SLC35A3: variants seen among roughly 807,000 people sequenced by gnomAD.
SLC35A3 encodes the protein UDP-N-acetylglucosamine transporter.
SLC35A3 carries 26 observed loss-of-function variants against 39.0 expected under a neutral mutation model. That is an observed-to-expected ratio of 0.67 (90% CI 0.49 to 0.92). The LOEUF is 0.92. Ranked by LOEUF, SLC35A3 falls within the 40% of genes least tolerant of loss-of-function variation. The probability of loss-of-function intolerance (pLI) is 0.00; values close to 1 mark genes in which losing one functional copy is unlikely to be tolerated. For missense variants in SLC35A3, 299 were observed against 371.6 expected, an observed-to-expected ratio of 0.80 and a Z score of 1.61; for synonymous variants, 135 against 133.1, an observed-to-expected ratio of 1.01 and a Z score of -0.10.
intron 7 of SLC35A3, among the ~76,000 whole-genome samples, chr1:100,020,432 G>T (rs531174): frequency 0.15 from 23,034 of 152,132 alleles, 2,441 homozygotes; most frequent in African/African-American, 0.3. Context: ...TAATGACTAA[G>T]GAAGACAGTG....
intron 1 of SLC35A3, among the ~76,000 whole-genome samples, chr1:99,983,563 C>CA (rs754933076): frequency 2.0e-4 from 29 of 142,160 alleles, no homozygotes; most frequent in Admixed American, 8.2e-4. Context: ...CAAAACAAAA[C>CA]AAAAAAACAG....
intron 6 of SLC35A3, among the ~76,000 whole-genome samples, chr1:100,016,910 A>G (rs114012359): frequency 1.4e-3 from 211 of 152,306 alleles, no homozygotes; most frequent in African/African-American, 5.0e-3. Flanking sequence ...GAGTAAATAG[A>G]TGAATGACAA....
chr1:100,030,904 A>G lies in SLC35A3; in HGVS notation c.*8428A>G, dbSNP rs1260173338. 3 of 152,188 alleles carry G rather than the reference A, an allele frequency of 2.0e-5. No homozygotes were observed. Among genetic ancestry groups the G allele is most frequent in the African/African-American group, 7.2e-5 (3 of 41,456 alleles). 9.4% of individuals were successfully genotyped at this position (152,188 alleles called of 1,614,324 possible). A position where few individuals can be genotyped will look rare whatever the true frequency, so the allele number is the denominator to read the frequency against. ...GTAATATTTCCTGAGTGATGATAGAATTATAGAAAATCATGAAAGATGTGT... is the reference window on the plus strand; with the variant it reads ...GTAATATTTCCTGAGTGATGATAGAGTTATAGAAAATCATGAAAGATGTGT... On this transcript the variant is annotated 3_prime_UTR_variant, in exon 8 of 8. Transcript: ENST00000533028.
At chr1:100,003,091 T>C (rs1557836254) in intron 3 of SLC35A3, among the ~76,000 whole-genome samples, 1 of 152,074 alleles carries the variant, frequency 6.6e-6, no homozygotes, top group African/African-American at 2.4e-5. Flanking sequence ...TAGGTTTTGG[T>C]ATGTTGTGTT....
In SLC35A3 at chr1:100,024,353, C is replaced by T. The variant is rs1444940061; in HGVS notation, c.*1877C>T. 1 of 151,868 alleles carries T rather than the reference C, an allele frequency of 6.6e-6. No individual in the cohort carries two copies. Among genetic ancestry groups the T allele is most frequent in the Non-Finnish European group, 1.5e-5 (1 of 68,040 alleles). 9.4% of individuals were successfully genotyped at this position (151,868 alleles called of 1,614,324 possible). On this transcript the variant is annotated 3_prime_UTR_variant, in exon 8 of 8. Coordinates refer to ENST00000533028, the MANE Select transcript of SLC35A3 (RefSeq NM_012243.3). Reference sequence around the variant, plus strand: ...GGATCACAAGGTCAGGAATTCGAGACCAGCCTGGCCAGCATGGTGAAATCC... The same window carrying T: ...GGATCACAAGGTCAGGAATTCGAGATCAGCCTGGCCAGCATGGTGAAATCC...
In SLC35A3 at chr1:99,999,227, C is replaced by G. The variant is rs764266976; in HGVS notation, c.188-34C>G. 51 of 1,397,908 alleles carry G rather than the reference C, an allele frequency of 3.6e-5. No individual in the cohort carries two copies. In the Middle Eastern group the frequency reaches 6.4e-4, roughly 17 times the overall value. The allele number at this position is 1,397,908 out of a possible 1,614,324, so 86.6% of individuals were successfully genotyped here. On this transcript the variant is annotated intron_variant, in intron 2 of 7. Transcript: ENST00000533028. ...CAGATATGTAACTTATTCAGAGTTA[C>G]TTAATTACTGATTTTTCTCATATTA...
At chr1:99,977,993 A>T (rs1183640891) in intron 1 of SLC35A3, among the ~76,000 whole-genome samples, 1 of 152,228 alleles carries the variant, frequency 6.6e-6, no homozygotes, top group African/African-American at 2.4e-5. Context: ...TGATACATGC[A>T]GTATATCTGA....
At chr1:99,998,795 T>C (rs148517097) in intron 2 of SLC35A3, among the ~76,000 whole-genome samples, 167 of 152,322 alleles carry the variant, frequency 1.1e-3, no homozygotes, top group African/African-American at 3.8e-3. Context: ...GGGTTTTCTG[T>C]TGTTTGCAAC....
Position 100,029,176 on chromosome 1 carries a change from G to C in SLC35A3, c.*6700G>C, listed in dbSNP as rs1055921593. The C allele has an allele frequency of 6.6e-6, 1 of 152,118 alleles. No individual in the cohort carries two copies. Among genetic ancestry groups the C allele is most frequent in the Non-Finnish European group, 1.5e-5 (1 of 68,044 alleles). 9.4% of individuals were successfully genotyped at this position (152,118 alleles called of 1,614,324 possible). On this transcript the variant is annotated 3_prime_UTR_variant, in exon 8 of 8. Coordinates refer to ENST00000533028, the MANE Select transcript of SLC35A3 (RefSeq NM_012243.3). ...ACATCTGCCCCTCCCTGGAGATCTG[G>C]TTGACATCAAGACTTCAGGGCCTCA...
At chr1:99,978,864 A>T (rs1657276672) in intron 1 of SLC35A3, 1 of 152,350 alleles carries the variant, frequency 6.6e-6, no homozygotes, top group South Asian at 2.1e-4. Context: ...ATTAATTTTT[A>T]AAAATATAGC....
intron 6 of SLC35A3, among the ~76,000 whole-genome samples, chr1:100,016,620 A>T (rs1307738683): frequency 6.6e-6 from 1 of 151,200 alleles, no homozygotes; most frequent in Non-Finnish European, 1.5e-5. Context: ...TGATCCGCCC[A>T]CCTCGGCCTC....
rs960934923 is a variant in SLC35A3, at chr1:100,024,763, G to A, written c.*2287G>A. On this transcript the variant is annotated 3_prime_UTR_variant, in exon 8 of 8. Transcript: ENST00000533028. ...CCTCTGAGTAGCTGGGATTGCAGGCGTGAGCCACTGCGCCCGGCCTATACT... is the reference window on the plus strand; with the variant it reads ...CCTCTGAGTAGCTGGGATTGCAGGCATGAGCCACTGCGCCCGGCCTATACT... The A allele has an allele frequency of 2.5e-5, 10 of 396,142 alleles. No individual in the cohort carries two copies. The highest frequency in any genetic ancestry group is 6.2e-5 in the African/African-American group (3 of 48,388). The allele number at this position is 396,142 out of a possible 1,614,324, so 24.5% of individuals were successfully genotyped here. A position where few individuals can be genotyped will look rare whatever the true frequency, so the allele number is the denominator to read the frequency against.
chr1:99,987,848 A>G (rs537460476), intron 1 of SLC35A3, among the ~76,000 whole-genome samples: 3 of 152,332 alleles, frequency 2.0e-5, no homozygotes, highest in South Asian at 4.1e-4. Flanking sequence ...TGGAAAAGAT[A>G]GAGGTGGGGT....
intron 5 of SLC35A3, among the ~76,000 whole-genome samples, chr1:100,012,869 A>G (rs1443695772): frequency 1.3e-5 from 2 of 152,222 alleles, no homozygotes; most frequent in East Asian, 3.8e-4. Flanking sequence ...AATACATAGT[A>G]TAGTGATTAA....
rs1416746553 is a variant in SLC35A3, at chr1:100,027,275, T to C, written c.*4799T>C. On this transcript the variant is annotated 3_prime_UTR_variant, in exon 8 of 8. Coordinates refer to ENST00000533028, the MANE Select transcript of SLC35A3 (RefSeq NM_012243.3). The stretch of plus-strand genomic sequence containing the variant: ...GAGGCCAGCCTGGGCAACATAGCCT[T>C]GTTTCTACAAAAAATCTTAAAAATA... 1.5e-5 allele frequency: 6 copies of C among 397,868 alleles called. No homozygotes were observed. Among genetic ancestry groups the C allele is most frequent in the Non-Finnish European group, 2.7e-5 (6 of 225,794 alleles). The allele number at this position is 397,868 out of a possible 1,614,324, so 24.6% of individuals were successfully genotyped here. A position where few individuals can be genotyped will look rare whatever the true frequency, so the allele number is the denominator to read the frequency against.
At position 100,031,829 on chromosome 1, in the gene SLC35A3, T is replaced by TG. The variant is rs1328201256; in HGVS notation, c.*9353_*9354insG. On this transcript the variant is annotated 3_prime_UTR_variant, in exon 8 of 8. Transcript: ENST00000533028. ...TGTCTCCTTTGGTCTTGAAGTCCCC[T>TG]TCCTGCACCACCACCTGCCCCTCAA... 1.3e-5 allele frequency: 2 copies of TG among 152,226 alleles called. No individual in the cohort carries two copies. Among genetic ancestry groups the TG allele is most frequent in the African/African-American group, 4.8e-5 (2 of 41,442 alleles). 9.4% of individuals were successfully genotyped at this position (152,226 alleles called of 1,614,324 possible).
Position 100,006,981 on chromosome 1 carries a change from G to GAACA in SLC35A3, c.343-37_343-34dup, listed in dbSNP as rs936998412. The GAACA allele has an allele frequency of 8.7e-5, 134 of 1,532,000 alleles. No individual in the cohort carries two copies. In the Middle Eastern group the frequency reaches 1.0e-3, roughly 11 times the overall value. 94.9% of individuals were successfully genotyped at this position (1,532,000 alleles called of 1,614,324 possible). A position where few individuals can be genotyped will look rare whatever the true frequency, so the allele number is the denominator to read the frequency against. On this transcript the variant is annotated intron_variant, in intron 3 of 7. Coordinates refer to ENST00000533028, the MANE Select transcript of SLC35A3 (RefSeq NM_012243.3). The stretch of plus-strand genomic sequence containing the variant: ...ATACATTTCTAATAGTACTCTTAAG[G>GAACA]AACAAACAAACAAACAAACGAACAT...
At chr1:100,005,411 G>T (rs2101284378) in intron 3 of SLC35A3, among the ~76,000 whole-genome samples, 1 of 152,344 alleles carries the variant, frequency 6.6e-6, no homozygotes, top group East Asian at 1.9e-4. Context: ...ACTAACATAT[G>T]TTTTGAGGGC....
At chr1:100,004,184 T>C (rs1659032458) in intron 3 of SLC35A3, among the ~76,000 whole-genome samples, 1 of 152,240 alleles carries the variant, frequency 6.6e-6, no homozygotes, top group Non-Finnish European at 1.5e-5. Flanking sequence ...TTTTCTGTAG[T>C]GTTAATGTTT....
Sources: gnomAD v4.1 joint callset for allele counts (sites outside exome capture counted in the v4.1 genomes callset) on GRCh38, gnomAD v4.1.1 for gene constraint, MANE v1.5 for transcripts, NCBI Gene and HGNC (gene_info 2026-07-23, HGNC 2026-07-21) for gene names.